CNST: variants seen among roughly 807,000 people sequenced by gnomAD.
CNST encodes consortin.
Under a neutral mutation model 72.4 loss-of-function variants are expected in CNST, and 39 were observed. The ratio of observed to expected loss-of-function variants is 0.54; its 90% confidence interval spans 0.42 to 0.70. The LOEUF (loss-of-function observed/expected upper bound fraction) is 0.70, where lower values mean the gene tolerates loss of function less well. Among genes scored for constraint, CNST ranks in the 30% least tolerant of loss-of-function variants. CNST has a pLI of 0.00. For missense variants in CNST, 871 were observed against 868.5 expected, an observed-to-expected ratio of 1.00 and a Z score of -0.04; for synonymous variants, 332 against 320.1, an observed-to-expected ratio of 1.04 and a Z score of -0.40.
intron 10 of CNST, among the ~76,000 whole-genome samples, chr1:246,662,452 G>A (rs1425642466): frequency 6.6e-6 from 1 of 152,118 alleles, no homozygotes; most frequent in Non-Finnish European, 1.5e-5. Context: ...GCAGTGGTGC[G>A]ATCTTGGCTC....
intron 1 of CNST, among the ~76,000 whole-genome samples, chr1:246,590,573 G>A (rs1434737118): frequency 6.6e-6 from 1 of 152,064 alleles, no homozygotes; most frequent in African/African-American, 2.4e-5. Context: ...TTTAGAGACT[G>A]TACTTTACAT....
chr1:246,570,346 G>T (rs1416671890), intron 1 of CNST, among the ~76,000 whole-genome samples: 2 of 152,196 alleles, frequency 1.3e-5, no homozygotes, highest in Non-Finnish European at 2.9e-5. Flanking sequence ...ACCCATCATT[G>T]TTCCTGTCTT....
At chr1:246,622,821 T>C (rs531173496) in intron 3 of CNST, among the ~76,000 whole-genome samples, 1 of 151,948 alleles carries the variant, frequency 6.6e-6, no homozygotes, top group African/African-American at 2.4e-5. Context: ...TTGTATTGTA[T>C]TGTATTTATT....
At chr1:246,637,454 G>A (rs912208551) in intron 6 of CNST, among the ~76,000 whole-genome samples, 1 of 152,244 alleles carries the variant, frequency 6.6e-6, no homozygotes, top group South Asian at 2.1e-4. Flanking sequence ...AGTAATTCCC[G>A]AGTGGCTCAG....
rs186347771 is a variant in CNST, at chr1:246,610,453, G to A, written c.380-10976G>A. Among the ~76,000 whole-genome samples, 150 of 152,048 alleles carry A rather than the reference G, an allele frequency of 9.9e-4. 1 individual carries two copies. Among genetic ancestry groups the A allele is most frequent in the Admixed American group, 8.8e-3 (134 of 15,274 alleles). On this transcript the variant is annotated intron_variant, in intron 2 of 10. Transcript: ENST00000366513. The stretch of plus-strand genomic sequence containing the variant: ...CTTTGCCCAGGAAATTCAATGTCTC[G>A]GCTTCTTCCGGGATGTTTTCTGTCT...
chr1:246,666,125 T>C lies in CNST; in HGVS notation c.*220T>C, dbSNP rs1189132154. On this transcript the variant is annotated 3_prime_UTR_variant, in exon 11 of 11. Transcript: ENST00000366513. ...TAAGCATTGTGGATGGAAGGAATGG[T>C]CTTTGGAGAGAGCATATCCATCTCC... The C allele has an allele frequency of 1.9e-6, 1 of 532,188 alleles. No individual in the cohort carries two copies. Among genetic ancestry groups the C allele is most frequent in the Admixed American group, 3.3e-5 (1 of 30,390 alleles). The allele number at this position is 532,188 out of a possible 1,614,324, so 33.0% of individuals were successfully genotyped here.
chr1:246,604,644 C>T (rs917159991), intron 2 of CNST, among the ~76,000 whole-genome samples: 1 of 151,254 alleles, frequency 6.6e-6, no homozygotes, highest in Admixed American at 6.6e-5. Flanking sequence ...TTTCAGGAGA[C>T]GGAATATATA....
At chr1:246,574,399 C>T (rs1660259769) in intron 1 of CNST, among the ~76,000 whole-genome samples, 1 of 152,062 alleles carries the variant, frequency 6.6e-6, no homozygotes, top group Non-Finnish European at 1.5e-5. Context: ...CATGGTTATT[C>T]AAAAATTCGT....
intron 1 of CNST, among the ~76,000 whole-genome samples, chr1:246,587,649 CTG>C (rs1661280167): frequency 1.3e-5 from 2 of 152,160 alleles, no homozygotes; most frequent in South Asian, 4.1e-4. Flanking sequence ...TTGTGTATAT[CTG>C]TGCATAAGAG....
At chr1:246,611,266 G>T (rs1355866138) in intron 2 of CNST, among the ~76,000 whole-genome samples, 1 of 152,178 alleles carries the variant, frequency 6.6e-6, no homozygotes, top group Non-Finnish European at 1.5e-5. Flanking sequence ...TGATTCGGTG[G>T]TCACTGTCTT....
intron 1 of CNST, among the ~76,000 whole-genome samples, chr1:246,590,108 G>A (rs921619264): frequency 3.9e-5 from 6 of 152,124 alleles, no homozygotes; most frequent in African/African-American, 7.2e-5. Flanking sequence ...TTATTCGGGC[G>A]GGAGCTTTGG....
At chr1:246,613,589 C>T (rs1572178374) in intron 2 of CNST, among the ~76,000 whole-genome samples, 1 of 149,444 alleles carries the variant, frequency 6.7e-6, no homozygotes, top group East Asian at 2.0e-4. Flanking sequence ...GGTACTTGTA[C>T]TCTGAATAGT....
intron 1 of CNST, among the ~76,000 whole-genome samples, chr1:246,577,865 T>G (rs1660527788): frequency 1.3e-5 from 2 of 152,104 alleles, no homozygotes; most frequent in East Asian, 1.9e-4. Flanking sequence ...AATTCATGCT[T>G]CTTTTTTGGA....
chr1:246,664,742 C>T (rs1667318205), intron 10 of CNST, among the ~76,000 whole-genome samples: 1 of 152,144 alleles, frequency 6.6e-6, no homozygotes. Flanking sequence ...CTGTCTTTTA[C>T]TCTCAAAATT....
At chr1:246,569,960 G>T (rs964608928) in intron 1 of CNST, 1 of 962,566 alleles carries the variant, frequency 1.0e-6, no homozygotes, top group Non-Finnish European at 1.2e-6. Flanking sequence ...AGTACCTGTT[G>T]TTGCAGAGTT....
chr1:246,572,594 TC>T (rs1461490281), intron 1 of CNST, among the ~76,000 whole-genome samples: 1 of 152,206 alleles, frequency 6.6e-6, no homozygotes, highest in African/African-American at 2.4e-5. Flanking sequence ...CAAGTGATCC[TC>T]CTGCCTTGAC....
intron 1 of CNST, among the ~76,000 whole-genome samples, chr1:246,579,268 C>T (rs759173952): frequency 1.4e-4 from 22 of 152,162 alleles, no homozygotes; most frequent in Non-Finnish European, 3.1e-4. Flanking sequence ...CTTTGCAGAT[C>T]CCTGGTCAGC....
At chr1:246,652,848 C>T (rs1666545551) in intron 9 of CNST, among the ~76,000 whole-genome samples, 2 of 149,988 alleles carry the variant, frequency 1.3e-5, no homozygotes, top group East Asian at 1.9e-4. Flanking sequence ...ACTAAAAATA[C>T]AAAAAACTAG....
At chr1:246,592,078 G>C (rs1661580836) in intron 2 of CNST, 137 bp downstream of exon 2, 4 of 664,740 alleles carry the variant, frequency 6.0e-6, no homozygotes, top group Non-Finnish European at 1.0e-5. Context: ...CGCAGCACAA[G>C]TAGATCCAAC....
Sources: allele counts gnomAD v4.1 joint callset (sites outside exome capture counted in the v4.1 genomes callset), GRCh38; gene constraint gnomAD v4.1.1; transcripts MANE v1.5; gene names NCBI Gene and HGNC (gene_info 2026-07-23, HGNC 2026-07-21).